Variants in ABCG8 observed in about 807,000 individuals in gnomAD.
ABCG8 encodes ATP binding cassette subfamily G member 8.
A neutral mutation model predicts 71.3 loss-of-function variants in ABCG8; 81 were observed. That is an observed-to-expected ratio of 1.14 (90% CI 0.95 to 1.37). The LOEUF (loss-of-function observed/expected upper bound fraction) is 1.37. Among genes scored for constraint, ABCG8 ranks in the 40% most tolerant of loss-of-function variants. The pLI is 0.00. For synonymous variants in ABCG8, 451 were observed against 354.7 expected (o/e 1.27, Z -3.05); for missense variants, 1,119 against 866.2 (o/e 1.29, Z -3.66).
rs1456237152 is a variant in ABCG8 at position 43,852,436 on chromosome 2, G to GGGGTGAGCGCA, written c.647_657dup (p.Arg220ValfsTer37). 67 of 1,612,826 alleles carry GGGGTGAGCGCA rather than the reference G, an allele frequency of 4.2e-5. 1 individual carries two copies. In the Admixed American group the frequency reaches 1.1e-3, roughly 26 times the overall value. ...AACATGTACGTGCGGGGGTTGTCGG[G>GGGGTGAGCGCA]GGGTGAGCGCAGGAGAGTCAGCATT... On this transcript the variant is annotated frameshift_variant, in exon 5 of 13. Transcript: ENST00000272286. LOFTEE classifies it high-confidence loss of function.
intron 6 of ABCG8, among the ~76,000 whole-genome samples, chr2:43,860,473 A>G (rs114309202): frequency 0.03 from 4,431 of 150,060 alleles, 113 homozygotes; most frequent in South Asian, 0.077. Flanking sequence ...AACTCTCACT[A>G]TCTTTCTGGA....
rs151145884 is a variant in ABCG8 at position 43,877,785 on chromosome 2, G to A, written c.1894G>A (p.Val632Ile). ...ATGTCTGTGTCTCCAGATCCTCAGT[G>A]TCATGGAGCTGGACTCGTACCCTCT... ...IAVSGDKILS[V>I]MELDSYPLYA... Residue 632 changes from valine (V) to isoleucine (I), a missense_variant, in exon 13 of 13, where the codon GTC becomes ATC. Coordinates refer to ENST00000272286, the MANE Select transcript of ABCG8 (RefSeq NM_022437.3). 4.2e-5 allele frequency: 68 copies of A among 1,614,122 alleles called. No individual in the cohort carries two copies. In the African/African-American group the frequency reaches 5.9e-4, roughly 14 times the overall value.
Position 43,871,645 on chromosome 2 carries a change from G to A in ABCG8, c.965-331G>A, listed in dbSNP as rs145248418. Among the ~76,000 whole-genome samples, 620 of 152,352 alleles carry A rather than the reference G, an allele frequency of 4.1e-3. 6 individuals carry two copies. Among genetic ancestry groups the A allele is most frequent in the African/African-American group, 0.013 (548 of 41,578 alleles). On this transcript the variant is annotated intron_variant, in intron 6 of 12. Transcript: ENST00000272286. Reference sequence around the variant, plus strand: ...TGACTGTCATGTGGCCCTTGGCTCTGAAGGCTCTTGCTCTGTCCTAAGATG... The same window carrying A: ...TGACTGTCATGTGGCCCTTGGCTCTAAAGGCTCTTGCTCTGTCCTAAGATG...
At chr2:43,846,125 T>C in intron 2 of ABCG8, 30 bp from the exon 3 acceptor site, 1 of 1,612,090 alleles carries the variant, frequency 6.2e-7, no homozygotes, top group Non-Finnish European at 8.5e-7. Flanking sequence ...CATTCAGCTC[T>C]CTAAGGAACC....
rs75142021 is a variant in ABCG8, at chr2:43,855,504, A to C, written c.964+2636A>C. 3.5e-3 allele frequency among the ~76,000 whole-genome samples: 524 copies of C among 151,882 alleles called. 4 individuals are homozygous for C. The highest frequency in any genetic ancestry group is 0.012 in the African/African-American group (500 of 41,420). On this transcript the variant is annotated intron_variant, in intron 6 of 12. Transcript: ENST00000272286. ...TCACCATCTGGATAGAACTCCCACT[A>C]TCTGGAAAGAATTCTCAGTCTTTAG...
intron 1 of ABCG8, among the ~76,000 whole-genome samples, chr2:43,842,777 C>G (rs1384409135): frequency 8.2e-6 from 1 of 122,500 alleles, no homozygotes; most frequent in South Asian, 3.1e-4. Flanking sequence ...TTTATCTTTC[C>G]CATTTTTTTC....
rs1056584206 is a variant in ABCG8 at position 43,878,859 on chromosome 2, T to C, written c.*946T>C. ...GGACCAGATGGAGATAATTGAATCA[T>C]AGGGGTGGTTTCTCTGATGCTGTTC... On this transcript the variant is annotated 3_prime_UTR_variant, in exon 13 of 13. Coordinates refer to ENST00000272286, the MANE Select transcript of ABCG8 (RefSeq NM_022437.3). 6.6e-6 allele frequency: 1 copy of C among 152,202 alleles called. No individual in the cohort carries two copies. Among genetic ancestry groups the C allele is most frequent in the African/African-American group, 2.4e-5 (1 of 41,450 alleles). 9.4% of individuals were successfully genotyped at this position (152,202 alleles called of 1,614,324 possible).
At chr2:43,846,949 A>G (rs1247916927) in intron 3 of ABCG8, 1 of 167,892 alleles carries the variant, frequency 6.0e-6, no homozygotes, top group African/African-American at 2.5e-5. Flanking sequence ...CAAACTCCCT[A>G]CTCCTCAGTG....
intron 6 of ABCG8, among the ~76,000 whole-genome samples, chr2:43,853,195 C>A (rs1351614552): frequency 6.6e-6 from 1 of 152,158 alleles, no homozygotes; most frequent in African/African-American, 2.4e-5. Context: ...AGTAGGGAAA[C>A]AACCTTTAAG....
At chr2:43,840,193 C>A (rs1045832317) in intron 1 of ABCG8, among the ~76,000 whole-genome samples, 4 of 152,196 alleles carry the variant, frequency 2.6e-5, no homozygotes, top group African/African-American at 7.2e-5. Flanking sequence ...ATGGGGAAAA[C>A]AACCTGGACT....
intron 1 of ABCG8, among the ~76,000 whole-genome samples, chr2:43,844,108 G>T (rs145184375): frequency 2.0e-5 from 3 of 152,152 alleles, no homozygotes; most frequent in South Asian, 4.1e-4. Flanking sequence ...CCAGCTGCAG[G>T]GAAGAGAAAG....
intron 8 of ABCG8, 127 bp from the exon 9 acceptor site, chr2:43,873,660 T>C (rs1427217125): frequency 1.1e-6 from 1 of 893,040 alleles, no homozygotes; most frequent in African/African-American, 1.6e-5. Context: ...AGCCACTCTA[T>C]GAGGCAGGTA....
intron 6 of ABCG8, among the ~76,000 whole-genome samples, chr2:43,858,943 G>C (rs1669208619): frequency 6.6e-6 from 1 of 151,138 alleles, no homozygotes; most frequent in South Asian, 2.1e-4. Flanking sequence ...TGTCTATCTG[G>C]ATAGAATTCT....
intron 3 of ABCG8, among the ~76,000 whole-genome samples, chr2:43,850,347 C>G (rs898542898): frequency 6.6e-6 from 1 of 152,172 alleles, no homozygotes; most frequent in African/African-American, 2.4e-5. Context: ...AGAGGCTCAC[C>G]GAAAGTTTTT....
chr2:43,847,413 A>G (rs72796744), intron 3 of ABCG8: 5,146 of 152,268 alleles, frequency 0.034, 120 homozygotes, highest in Middle Eastern at 0.099. Context: ...TAAATAAGAA[A>G]AAAGTAGATC....
intron 6 of ABCG8, among the ~76,000 whole-genome samples, chr2:43,859,492 T>A (rs1460784229): frequency 6.6e-6 from 1 of 151,302 alleles, no homozygotes; most frequent in Non-Finnish European, 1.5e-5. Context: ...TGCATAGAAC[T>A]CTCACTATCT....
chr2:43,858,604 A>G (rs1669194122), intron 6 of ABCG8, among the ~76,000 whole-genome samples: 1 of 151,216 alleles, frequency 6.6e-6, no homozygotes, highest in Non-Finnish European at 1.5e-5. Flanking sequence ...TTTTCTGTAT[A>G]GAACTCTCAC....
At chr2:43,875,893 G>A (rs946237653) in intron 11 of ABCG8, among the ~76,000 whole-genome samples, 25 of 152,106 alleles carry the variant, frequency 1.6e-4, no homozygotes, top group African/African-American at 5.1e-4. Flanking sequence ...CAATCCCTGC[G>A]GCCTCCCCAG....
At chr2:43,876,115 C>T (rs1461894259) in intron 11 of ABCG8, among the ~76,000 whole-genome samples, 1 of 152,174 alleles carries the variant, frequency 6.6e-6, no homozygotes, top group African/African-American at 2.4e-5. Flanking sequence ...GGTGTGGGGC[C>T]GCTGAGTCTC....
Sources: gnomAD v4.1 joint callset for allele counts (sites outside exome capture counted in the v4.1 genomes callset) on GRCh38, gnomAD v4.1.1 for gene constraint, MANE v1.5 for transcripts, NCBI Gene and HGNC (gene_info 2026-07-23, HGNC 2026-07-21) for gene names.